ADAMTSL1: variants seen among roughly 807,000 people sequenced by gnomAD.
The protein encoded by ADAMTSL1 is ADAMTS like 1, also known as ADAMTS-like protein 1.
ADAMTSL1 carries 126 observed loss-of-function variants against 201.8 expected under a neutral mutation model. The observed-to-expected ratio is 0.62, with a 90% CI of 0.54 to 0.72. The LOEUF is 0.72. ADAMTSL1 is among the 30% of genes least tolerant of loss of function. ADAMTSL1 has a pLI of 0.00. For missense variants in ADAMTSL1, 2,679 were observed against 2,277.8 expected (o/e 1.18, Z -3.59); for synonymous variants, 1,121 against 903.4 (o/e 1.24, Z -4.32).
Position 18,180,116 on chromosome 9 carries a change from G to A in ADAMTSL1, c.207+16135G>A, listed in dbSNP as rs376031193. 3.9e-3 allele frequency among the ~76,000 whole-genome samples: 588 copies of A among 152,238 alleles called. 3 individuals are homozygous for A. The highest frequency in any genetic ancestry group is 0.013 in the African/African-American group (558 of 41,534). On this transcript the variant is annotated intron_variant, in intron 2 of 29. Transcript: ENST00000680146. ...AAGAGTCAAGACCCATCACTGTGCT[G>A]TATTCAGGAAACCCATCTCACGTGC...
intron 15 of ADAMTSL1, among the ~76,000 whole-genome samples, chr9:18,741,874 A>T (rs1027954078): frequency 1.3e-5 from 2 of 152,056 alleles, no homozygotes; most frequent in East Asian, 3.9e-4. Flanking sequence ...TTCAAGGTCA[A>T]GGTCTGATTC....
intron 2 of ADAMTSL1, among the ~76,000 whole-genome samples, chr9:18,325,159 A>G (rs12380740): frequency 0.032 from 4,885 of 152,280 alleles, 112 homozygotes; most frequent in Middle Eastern, 0.048. Flanking sequence ...AAGTGGTATA[A>G]CCACTTTGGA....
At chr9:18,505,903 G>A (rs969293405) in intron 2 of ADAMTSL1, among the ~76,000 whole-genome samples, 3 of 152,182 alleles carry the variant, frequency 2.0e-5, no homozygotes, top group African/African-American at 7.2e-5. Flanking sequence ...ATCAGCGTCT[G>A]AGCCTTATTC....
intron 1 of ADAMTSL1, among the ~76,000 whole-genome samples, chr9:18,062,119 G>A (rs915321316): frequency 1.3e-5 from 2 of 152,188 alleles, no homozygotes; most frequent in Admixed American, 6.5e-5. Context: ...GGTATTTTAT[G>A]ACTCACATAA....
chr9:18,503,831 A>T (rs1172805871), intron 1 of ADAMTSL1, among the ~76,000 whole-genome samples: 1 of 152,180 alleles, frequency 6.6e-6, no homozygotes, highest in African/African-American at 2.4e-5. Context: ...AAAAGTTCAA[A>T]GGAGTAGTCA....
At chr9:18,277,310 G>A (rs187781655) in intron 2 of ADAMTSL1, among the ~76,000 whole-genome samples, 393 of 152,126 alleles carry the variant, frequency 2.6e-3, no homozygotes, top group African/African-American at 8.6e-3. Flanking sequence ...TTTTCTGTCT[G>A]GATGATCTAT....
At chr9:18,049,114 C>T (rs1486620985) in intron 1 of ADAMTSL1, among the ~76,000 whole-genome samples, 2 of 152,136 alleles carry the variant, frequency 1.3e-5, no homozygotes, top group African/African-American at 4.8e-5. Context: ...TATAAGGACA[C>T]CAGTCATGGG....
chr9:18,419,607 A>C (rs1818847339), intron 2 of ADAMTSL1, among the ~76,000 whole-genome samples: 1 of 152,218 alleles, frequency 6.6e-6, no homozygotes, highest in African/African-American at 2.4e-5. Flanking sequence ...AATACTACTT[A>C]ACAAGTAAAA....
At chr9:18,725,124 TCTCGATCTCCTGAC>T (rs1360669953) in intron 15 of ADAMTSL1, among the ~76,000 whole-genome samples, 2 of 152,170 alleles carry the variant, frequency 1.3e-5, no homozygotes, top group African/African-American at 4.8e-5. Flanking sequence ...GCTAGGATGG[TCTCGATCTCCTGAC>T]CTCGTGATCT....
intron 2 of ADAMTSL1, among the ~76,000 whole-genome samples, chr9:18,170,912 A>G (rs1011941067): frequency 6.6e-6 from 1 of 152,092 alleles, no homozygotes; most frequent in African/African-American, 2.4e-5. Flanking sequence ...CCAGGAATAC[A>G]TCATCAACCT....
chr9:18,316,285 G>A (rs995694785), intron 2 of ADAMTSL1, among the ~76,000 whole-genome samples: 2 of 152,208 alleles, frequency 1.3e-5, no homozygotes, highest in East Asian at 3.9e-4. Flanking sequence ...ATCTTATCAG[G>A]AGACAGGGTT....
At chr9:18,221,347 T>C (rs1830252619) in intron 2 of ADAMTSL1, among the ~76,000 whole-genome samples, 1 of 152,214 alleles carries the variant, frequency 6.6e-6, no homozygotes, top group Admixed American at 6.5e-5. Flanking sequence ...TTTCTTTAAT[T>C]CTGAAGAATA....
chr9:18,642,668 T>C (rs1386606641), intron 7 of ADAMTSL1, among the ~76,000 whole-genome samples: 1 of 152,008 alleles, frequency 6.6e-6, no homozygotes, highest in African/African-American at 2.4e-5. Context: ...AGAAGTATTA[T>C]TAATATCACG....
At chr9:18,287,010 A>T (rs1276080892) in intron 2 of ADAMTSL1, among the ~76,000 whole-genome samples, 1 of 152,154 alleles carries the variant, frequency 6.6e-6, no homozygotes, top group Non-Finnish European at 1.5e-5. Flanking sequence ...AGGGTAACAA[A>T]TAATCCCAAA....
At chr9:18,187,929 A>G (rs1455892581) in intron 2 of ADAMTSL1, among the ~76,000 whole-genome samples, 1 of 152,184 alleles carries the variant, frequency 6.6e-6, no homozygotes, top group Admixed American at 6.5e-5. Context: ...TGCCATTTAT[A>G]CATTTTTGTG....
intron 3 of ADAMTSL1, among the ~76,000 whole-genome samples, chr9:18,535,155 T>C (rs1819682920): frequency 6.6e-6 from 1 of 152,192 alleles, no homozygotes; most frequent in African/African-American, 2.4e-5. Context: ...GAATGCTTTG[T>C]CACTTAGAAA....
chr9:18,757,862 C>G (rs1819862756), intron 16 of ADAMTSL1, among the ~76,000 whole-genome samples: 1 of 152,156 alleles, frequency 6.6e-6, no homozygotes, highest in Non-Finnish European at 1.5e-5. Flanking sequence ...AAGGTACATG[C>G]CCATTCTGCT....
At chr9:18,233,837 C>G (rs1450757893) in intron 2 of ADAMTSL1, among the ~76,000 whole-genome samples, 1 of 152,118 alleles carries the variant, frequency 6.6e-6, no homozygotes, top group Admixed American at 6.6e-5. Context: ...GTTTGTGTGG[C>G]CCTGGGGTGG....
intron 2 of ADAMTSL1, among the ~76,000 whole-genome samples, chr9:18,242,777 A>C (rs1286784205): frequency 1.3e-5 from 2 of 152,152 alleles, no homozygotes; most frequent in Non-Finnish European, 2.9e-5. Flanking sequence ...AAAAATTAGG[A>C]ATAAATTTAA....
Sources: allele counts gnomAD v4.1 joint callset (sites outside exome capture counted in the v4.1 genomes callset), GRCh38; gene constraint gnomAD v4.1.1; transcripts MANE v1.5; gene names NCBI Gene and HGNC (gene_info 2026-07-23, HGNC 2026-07-21).